The following DDAH1 variants were observed in gnomAD, a reference collection of about 807,000 sequenced individuals.
The protein encoded by DDAH1 is dimethylarginine dimethylaminohydrolase 1.
A neutral mutation model predicts 28.8 loss-of-function variants in DDAH1; 19 were observed. The observed-to-expected ratio is 0.66, with a 90% CI of 0.46 to 0.97. DDAH1 has a LOEUF of 0.97. DDAH1 is among the 50% of genes least tolerant of loss of function. The probability of loss-of-function intolerance (pLI) is 0.00; values close to 1 mark genes in which losing one functional copy is unlikely to be tolerated. For synonymous variants in DDAH1, 153 were observed against 154.4 expected (o/e 0.99, Z 0.07); for missense variants, 326 against 375.9 (o/e 0.87, Z 1.10).
intron 2 of DDAH1, among the ~76,000 whole-genome samples, chr1:85,351,846 GT>G (rs1649231605): frequency 1.3e-5 from 2 of 152,222 alleles, no homozygotes; most frequent in Non-Finnish European, 2.9e-5. Context: ...TGGATAGGAA[GT>G]TTCAGTTTGG....
rs527939048 is a variant in DDAH1 at position 85,426,732 on chromosome 1, A to AC, written c.303+38010dup. Among the ~76,000 whole-genome samples the AC allele has an allele frequency of 1.1e-3, 161 of 151,856 alleles. 1 individual carries two copies. Among genetic ancestry groups the AC allele is most frequent in the Admixed American group, 3.0e-3 (45 of 15,244 alleles). Reference sequence around the variant, plus strand: ...AGACCAGCCTGGGCAACATAGTGAGACCCCCATCTCTACAGAAAGTTTTAA... The same window carrying AC: ...AGACCAGCCTGGGCAACATAGTGAGACCCCCCATCTCTACAGAAAGTTTTAA... On this transcript the variant is annotated intron_variant, in intron 1 of 5. Coordinates refer to ENST00000284031, the MANE Select transcript of DDAH1 (RefSeq NM_012137.4).
intron 1 of DDAH1, among the ~76,000 whole-genome samples, chr1:85,458,156 C>T (rs777806046): frequency 6.6e-6 from 1 of 152,168 alleles, no homozygotes; most frequent in Non-Finnish European, 1.5e-5. Flanking sequence ...TAAACTAAGT[C>T]GGGTTCTTGT....
chr1:85,352,662 A>G (rs1268113788), intron 2 of DDAH1, among the ~76,000 whole-genome samples: 1 of 152,230 alleles, frequency 6.6e-6, no homozygotes, highest in Non-Finnish European at 1.5e-5. Flanking sequence ...AAAAATGTGC[A>G]TATGGCTGAC....
intron 1 of DDAH1, among the ~76,000 whole-genome samples, chr1:85,536,941 A>T (rs1443991237): frequency 8.1e-6 from 1 of 123,418 alleles, no homozygotes; most frequent in African/African-American, 3.1e-5. Context: ...AGATAAAGAA[A>T]ATGTGGCATA....
intron 1 of DDAH1, among the ~76,000 whole-genome samples, chr1:85,519,086 ATC>A (rs1657575441): frequency 9.9e-6 from 1 of 101,310 alleles, no homozygotes; most frequent in Admixed American, 1.2e-4. Flanking sequence ...GGAAAGACGG[ATC>A]TTTTTTTTTT....
chr1:85,418,685 T>A (rs1257806199), intron 1 of DDAH1, among the ~76,000 whole-genome samples: 2 of 152,252 alleles, frequency 1.3e-5, no homozygotes, highest in Non-Finnish European at 2.9e-5. Flanking sequence ...TCTCTTCGGA[T>A]GTTGGAAATG....
intron 1 of DDAH1, among the ~76,000 whole-genome samples, chr1:85,453,515 A>T (rs1468868236): frequency 2.0e-5 from 3 of 152,192 alleles, no homozygotes; most frequent in Non-Finnish European, 4.4e-5. Context: ...GGCATAGAAG[A>T]GCATATATAA....
At position 85,450,729 on chromosome 1, in the gene DDAH1, G is replaced by T. The variant is rs182663928; in HGVS notation, c.303+14014C>A. ...GAGTTGCCTGAGATGATGTAACTGA[G>T]AAGTGGAACTGAGACTCAATTCCAG... On this transcript the variant is annotated intron_variant, in intron 1 of 5. Coordinates refer to ENST00000284031, the MANE Select transcript of DDAH1 (RefSeq NM_012137.4). Among the ~76,000 whole-genome samples the T allele has an allele frequency of 2.3e-3, 351 of 152,284 alleles. 1 individual carries two copies. The highest frequency in any genetic ancestry group is 4.1e-3 in the Non-Finnish European group (279 of 68,024).
At chr1:85,505,490 C>T (rs1044644845) in intron 1 of DDAH1, among the ~76,000 whole-genome samples, 10 of 152,212 alleles carry the variant, frequency 6.6e-5, no homozygotes, top group South Asian at 2.1e-4. Context: ...GAAAAAGACA[C>T]GAATAAGAGA....
intron 1 of DDAH1, among the ~76,000 whole-genome samples, chr1:85,361,392 T>TG (rs1649788001): frequency 6.6e-6 from 1 of 152,056 alleles, no homozygotes; most frequent in African/African-American, 2.4e-5. Context: ...GGAAAAAAAA[T>TG]GACCAAATAA....
At chr1:85,456,133 C>A (rs973343693) in intron 1 of DDAH1, among the ~76,000 whole-genome samples, 1 of 151,850 alleles carries the variant, frequency 6.6e-6, no homozygotes, top group Non-Finnish European at 1.5e-5. Context: ...ATCTTAATAT[C>A]ACTGCAAAAA....
intron 2 of DDAH1, among the ~76,000 whole-genome samples, chr1:85,490,316 T>C (rs1656345569): frequency 6.6e-6 from 1 of 152,000 alleles, no homozygotes; most frequent in African/African-American, 2.4e-5. Context: ...ACAGGAGAAA[T>C]GTGAAATGAG....
chr1:85,509,384 G>A (rs1657145092), intron 1 of DDAH1, among the ~76,000 whole-genome samples: 1 of 152,132 alleles, frequency 6.6e-6, no homozygotes, highest in Non-Finnish European at 1.5e-5. Flanking sequence ...CACAAAGATG[G>A]GGAAAAACCA....
At chr1:85,503,538 T>TATCTATCTATC (rs1656898616) in intron 1 of DDAH1, among the ~76,000 whole-genome samples, 1 of 149,088 alleles carries the variant, frequency 6.7e-6, no homozygotes, top group African/African-American at 2.4e-5. Flanking sequence ...TCTATCTATC[T>TATCTATCTATC]ATCTATCTAT....
intron 4 of DDAH1, among the ~76,000 whole-genome samples, chr1:85,338,482 G>C (rs1393154667): frequency 6.6e-6 from 1 of 152,086 alleles, no homozygotes; most frequent in Non-Finnish European, 1.5e-5. Context: ...GACATTTTCT[G>C]TTCAAGGACA....
chr1:85,334,424 A>G (rs1647981799), intron 4 of DDAH1, among the ~76,000 whole-genome samples: 1 of 152,062 alleles, frequency 6.6e-6, no homozygotes, highest in Non-Finnish European at 1.5e-5. Context: ...AAAACATCTG[A>G]TATGGTTTGG....
At chr1:85,498,728 G>A (rs1339423294) in intron 1 of DDAH1, among the ~76,000 whole-genome samples, 1 of 152,122 alleles carries the variant, frequency 6.6e-6, no homozygotes, top group Non-Finnish European at 1.5e-5. Flanking sequence ...AGACTAGCCT[G>A]GACAACGTGG....
upstream of DDAH1, among the ~76,000 whole-genome samples, chr1:85,468,718 C>G (rs1315549959): frequency 6.6e-6 from 1 of 152,156 alleles, no homozygotes; most frequent in Non-Finnish European, 1.5e-5. Flanking sequence ...CAGGGTTTCA[C>G]TGTGTTAGCC....
chr1:85,487,711 G>T (rs897091922), intron 2 of DDAH1, among the ~76,000 whole-genome samples: 8 of 151,922 alleles, frequency 5.3e-5, no homozygotes, highest in African/African-American at 2.4e-5. Flanking sequence ...TTCTCTATCT[G>T]CCTATCTCCA....
Sources: gnomAD v4.1 joint callset for allele counts (sites outside exome capture counted in the v4.1 genomes callset) on GRCh38, gnomAD v4.1.1 for gene constraint, MANE v1.5 for transcripts, NCBI Gene and HGNC (gene_info 2026-07-23, HGNC 2026-07-21) for gene names.